The following SV2B variants were observed in gnomAD, a reference collection of about 807,000 sequenced individuals.
SV2B encodes the protein solute carrier family 22 member B2.
In SV2B, 41 loss-of-function variants were observed where a neutral mutation model predicts 73.9. The ratio of observed to expected loss-of-function variants is 0.56; its 90% CI spans 0.43 to 0.72. The LOEUF is 0.72. SV2B is among the 30% of genes least tolerant of loss of function. The pLI is 0.00. For synonymous variants in SV2B, 314 were observed against 314.2 expected (o/e 1.00, Z 0.01); for missense variants, 764 against 857.8 (o/e 0.89, Z 1.37).
chr15:91,274,774 T>A (rs557914548), intron 9 of SV2B, among the ~76,000 whole-genome samples: 31 of 152,292 alleles, frequency 2.0e-4, no homozygotes, highest in African/African-American at 7.0e-4. Context: ...TCTGTATGAT[T>A]TTTATTCTTA....
rs1265427038 is a variant in SV2B at position 91,290,058 on chromosome 15, G to A, written c.1868+378G>A. ...ATAGCACAGGGTGGGGGCAAGGAGA[G>A]AAATAAAGGTCGGGAGGCAGCATGA... On this transcript the variant is annotated intron_variant, in intron 12 of 12. Coordinates refer to ENST00000394232, the MANE Select transcript of SV2B (RefSeq NM_001323032.3). The surrounding 1 kb of genome is among the most constrained non-coding windows in gnomAD (Gnocchi z 4.7). 6.6e-6 allele frequency among the ~76,000 whole-genome samples: 1 copy of A among 152,190 alleles called. No individual in the cohort carries two copies.
At chr15:91,111,287 G>A in intron 1 of SV2B, among the ~76,000 whole-genome samples, 1 of 152,204 alleles carries the variant, frequency 6.6e-6, no homozygotes, top group East Asian at 1.9e-4. Context: ...GGCCCCTGCT[G>A]GCTGGCTTGG....
chr15:91,205,241 G>A (rs956247004), intron 1 of SV2B, among the ~76,000 whole-genome samples: 1 of 152,134 alleles, frequency 6.6e-6, no homozygotes, highest in Non-Finnish European at 1.5e-5. Flanking sequence ...TTATTCAAGC[G>A]TGAAGTGTGA....
At position 91,258,507 on chromosome 15, in the gene SV2B, A is replaced by T; in HGVS notation, c.871A>T (p.Met291Leu). The change falls in exon 5 of 13, where the codon ATG becomes TTG. Residue 291 changes from methionine (M) to leucine (L), a missense_variant. Coordinates refer to ENST00000394232, the MANE Select transcript of SV2B (RefSeq NM_001323032.3). This position sits in a 1 kb window ranked among gnomAD's most constrained non-coding sequence, Gnocchi z 4.7. ...CTGTGCTCTGCCCTGCACCGTGTCCATGGTGGCCCTGAAGTTCATGCCAGA... is the reference window on the plus strand; with the variant it reads ...CTGTGCTCTGCCCTGCACCGTGTCCTTGGTGGCCCTGAAGTTCATGCCAGA... The part of the protein sequence containing the change: ...IVCALPCTVS[M>L]VALKFMPESP... 1 of 1,614,100 alleles carries T rather than the reference A, an allele frequency of 6.2e-7. No homozygotes were observed. Among genetic ancestry groups the T allele is most frequent in the East Asian group, 2.2e-5 (1 of 44,874 alleles).
chr15:91,266,097 C>T (rs1010766554), intron 6 of SV2B, among the ~76,000 whole-genome samples: 5 of 152,196 alleles, frequency 3.3e-5, no homozygotes, highest in Non-Finnish European at 5.9e-5. Context: ...GAGCCGAGAT[C>T]GTGCCACTGC....
At chr15:91,275,402 C>G (rs745494473) in intron 9 of SV2B, among the ~76,000 whole-genome samples, 1 of 152,178 alleles carries the variant, frequency 6.6e-6, no homozygotes, top group South Asian at 2.1e-4. Flanking sequence ...CAACAGAACA[C>G]TCATTTCTTC....
rs994323751 is a variant in SV2B at position 91,141,010 on chromosome 15, T to C, written c.-392+40647T>C. Among the ~76,000 whole-genome samples, 2 of 152,214 alleles carry C rather than the reference T, an allele frequency of 1.3e-5. No homozygotes were observed. The highest frequency in any genetic ancestry group is 3.8e-4 in the East Asian group (2 of 5,198). The stretch of plus-strand genomic sequence containing the variant: ...TTTTAAAATAGAACTATTTTCATGA[T>C]GGAAGCCAGAAGTGCTACAAGCACT... On this transcript the variant is annotated intron_variant, in intron 1 of 12. Coordinates refer to ENST00000394232, the MANE Select transcript of SV2B (RefSeq NM_001323032.3). This position sits in a 1 kb window ranked among gnomAD's most constrained non-coding sequence, Gnocchi z 4.6.
At chr15:91,266,959 T>C (rs1020956301) in intron 7 of SV2B, 3 of 326,750 alleles carry the variant, frequency 9.2e-6, no homozygotes, top group Admixed American at 4.6e-5. Context: ...ATAAAATGTC[T>C]AGTCTGAGTA....
chr15:91,127,514 T>C, intron 1 of SV2B, among the ~76,000 whole-genome samples: 1 of 152,018 alleles, frequency 6.6e-6, no homozygotes, highest in Non-Finnish European at 1.5e-5. Context: ...GAAGGCTCAG[T>C]AGGGGTTTAG....
Position 91,284,311 on chromosome 15 carries a change from A to G in SV2B, c.1708+90A>G. 1 of 1,421,574 alleles carries G rather than the reference A, an allele frequency of 7.0e-7. No homozygotes were observed. Among genetic ancestry groups the G allele is most frequent in the Non-Finnish European group, 9.7e-7 (1 of 1,030,620 alleles). The allele number at this position is 1,421,574 out of a possible 1,614,324, so 88.1% of individuals were successfully genotyped here. On this transcript the variant is annotated intron_variant, in intron 11 of 12. Transcript: ENST00000394232. The surrounding 1 kb of genome is among the most constrained non-coding windows in gnomAD (Gnocchi z 4.5). ...AAACAGGGAAATTTTCCCTTTTATT[A>G]AATAATTCTTGCACAACAAACCCAA...
At position 91,113,900 on chromosome 15, in the gene SV2B, C is replaced by T. The variant is rs553074431; in HGVS notation, c.-392+13537C>T. Among the ~76,000 whole-genome samples, 218 of 152,182 alleles carry T rather than the reference C, an allele frequency of 1.4e-3. 2 individuals are homozygous for T. The highest frequency in any genetic ancestry group is 4.9e-3 in the African/African-American group (203 of 41,522). ...ATGTTTGTCAGTGCGTAGTAGGGTA[C>T]ATTGTGCACAATAATAGGTGCCTTC... On this transcript the variant is annotated intron_variant, in intron 1 of 12. Transcript: ENST00000394232.
chr15:91,166,227 A>G (rs939511621), intron 1 of SV2B, among the ~76,000 whole-genome samples: 2 of 152,146 alleles, frequency 1.3e-5, no homozygotes, highest in African/African-American at 4.8e-5. Context: ...GTCCACTCCC[A>G]ATGTGAGAAA....
At chr15:91,195,526 G>A (rs949562235) in intron 1 of SV2B, among the ~76,000 whole-genome samples, 2 of 152,164 alleles carry the variant, frequency 1.3e-5, no homozygotes, top group African/African-American at 4.8e-5. Context: ...TACCTGGGTT[G>A]ATGCAACTTC....
intron 2 of SV2B, among the ~76,000 whole-genome samples, chr15:91,228,380 T>C (rs181399845): frequency 1.9e-4 from 29 of 152,300 alleles, no homozygotes; most frequent in African/African-American, 6.0e-4. Flanking sequence ...GATTTTTTTT[T>C]CAAAGGACAA....
chr15:91,161,258 T>C lies in SV2B; in HGVS notation c.-392+60895T>C, dbSNP rs147674736. Among the ~76,000 whole-genome samples the C allele has an allele frequency of 4.9e-3, 719 of 147,212 alleles. 4 individuals carry two copies. Among genetic ancestry groups the C allele is most frequent in the African/African-American group, 0.017 (683 of 39,656 alleles). On this transcript the variant is annotated intron_variant, in intron 1 of 12. Coordinates refer to ENST00000394232, the MANE Select transcript of SV2B (RefSeq NM_001323032.3). ...ATAACTGTATAAATTTACTGAAATG[T>C]ATCAAACCATAAAACTGAAATGGGT...
chr15:91,182,020 CTTTT>C (rs1256650982), intron 1 of SV2B, among the ~76,000 whole-genome samples: 1 of 152,066 alleles, frequency 6.6e-6, no homozygotes, highest in East Asian at 1.9e-4. Context: ...TTTTGCACTT[CTTTT>C]GTTTTAAAAT....
intron 1 of SV2B, among the ~76,000 whole-genome samples, chr15:91,103,169 T>C (rs2041784867): frequency 6.6e-6 from 1 of 152,182 alleles, no homozygotes; most frequent in Non-Finnish European, 1.5e-5. Context: ...TATAAGTACT[T>C]GTGGTCATTC....
At position 91,289,667 on chromosome 15, in the gene SV2B, C is replaced by G. The variant is rs150512068; in HGVS notation, c.1855C>G (p.Pro619Ala). Residue 619 changes from proline (P) to alanine (A), a missense_variant, in exon 12 of 13, where the codon CCC (proline) becomes GCC (alanine). Pro to Ala is a conservative substitution (Grantham distance 27). Transcript: ENST00000394232. The surrounding 1 kb of genome is among the most constrained non-coding windows in gnomAD (Gnocchi z 4.9). ...ALDVITVELY[P>A]TNQRATAFGI... ...GGATGTGATCACAGTGGAGCTGTAT[C>G]CCACCAACCAGAGGTCAGTTCTTCC... 1.2e-6 allele frequency: 2 copies of G among 1,612,942 alleles called. No homozygotes were observed. Among genetic ancestry groups the G allele is most frequent in the African/African-American group, 2.7e-5 (2 of 74,904 alleles).
intron 2 of SV2B, among the ~76,000 whole-genome samples, chr15:91,230,802 T>C (rs1409744814): frequency 6.6e-6 from 1 of 152,094 alleles, no homozygotes; most frequent in Admixed American, 6.5e-5. Flanking sequence ...ATTCTAATGG[T>C]GGAAATAGAG....
Sources: gnomAD v4.1 joint callset for allele counts (sites outside exome capture counted in the v4.1 genomes callset) on GRCh38, gnomAD v4.1.1 for gene constraint, Gnocchi (gnomAD v3.1) non-coding constraint, MANE v1.5 for transcripts, NCBI Gene and HGNC (gene_info 2026-07-23, HGNC 2026-07-21) for gene names.